The following IPO11 variants were observed in gnomAD, a reference collection of about 807,000 sequenced individuals.
IPO11 encodes importin-11.
IPO11 carries 66 observed loss-of-function variants against 143.2 expected under a neutral mutation model. The ratio of observed to expected loss-of-function variants is 0.46; its 90% CI spans 0.38 to 0.57. The LOEUF (loss-of-function observed/expected upper bound fraction) is 0.57. Among genes scored for constraint, IPO11 ranks in the 20% least tolerant of loss-of-function variants. IPO11 has a pLI of 0.00. For missense variants in IPO11, 1,026 were observed against 1,141.0 expected (o/e 0.90, Z 1.45); for synonymous variants, 385 against 377.8 (o/e 1.02, Z -0.22).
At chr5:62,486,683 T>A (rs1468328047) in intron 12 of IPO11, among the ~76,000 whole-genome samples, 1 of 152,212 alleles carries the variant, frequency 6.6e-6, no homozygotes, top group Admixed American at 6.5e-5. Context: ...ATACAGTTGT[T>A]AACCAGAGAG....
chr5:62,573,265 G>A (rs904541123), intron 27 of IPO11, among the ~76,000 whole-genome samples: 3 of 152,034 alleles, frequency 2.0e-5, no homozygotes, highest in African/African-American at 7.2e-5. Flanking sequence ...ACTTTATAGG[G>A]CTCCTGTGAG....
At chr5:62,525,069 T>C (rs1221804865) in intron 20 of IPO11, among the ~76,000 whole-genome samples, 1 of 152,198 alleles carries the variant, frequency 6.6e-6, no homozygotes, top group Non-Finnish European at 1.5e-5. Flanking sequence ...TCTTCCATCT[T>C]TGTGTTCTTG....
At position 62,476,648 on chromosome 5, in the gene IPO11, A is replaced by G. The variant is rs1428529317; in HGVS notation, c.758-35A>G. 4 of 1,496,738 alleles carry G rather than the reference A, an allele frequency of 2.7e-6. No homozygotes were observed. The African/African-American group carries it at 5.7e-5, about 21-fold the overall frequency. 92.7% of individuals were successfully genotyped at this position (1,496,738 alleles called of 1,614,324 possible). On this transcript the variant is annotated intron_variant, in intron 8 of 29. Coordinates refer to ENST00000325324, the MANE Select transcript of IPO11 (RefSeq NM_016338.5). ...TTGATGTTGTCTTGGTTGTGAACTT[A>G]TTAACTTCTAATATTTGAAATGTAT...
intron 9 of IPO11, among the ~76,000 whole-genome samples, chr5:62,479,440 T>C (rs1415140770): frequency 6.6e-6 from 1 of 152,224 alleles, no homozygotes; most frequent in Non-Finnish European, 1.5e-5. Context: ...TATAATCCTT[T>C]GGGTATATAA....
chr5:62,515,135 T>G (rs1741965014), intron 19 of IPO11, among the ~76,000 whole-genome samples: 1 of 152,240 alleles, frequency 6.6e-6, no homozygotes, highest in Non-Finnish European at 1.5e-5. Context: ...AGTGTTTTTT[T>G]ATATTCATAA....
At chr5:62,588,375 G>A (rs567421935) in intron 27 of IPO11, among the ~76,000 whole-genome samples, 1 of 152,102 alleles carries the variant, frequency 6.6e-6, no homozygotes, top group South Asian at 2.1e-4. Flanking sequence ...GGGACTACAG[G>A]CGTGCACCAC....
At chr5:62,600,806 C>A (rs1358193680) in intron 28 of IPO11, among the ~76,000 whole-genome samples, 1 of 152,176 alleles carries the variant, frequency 6.6e-6, no homozygotes, top group African/African-American at 2.4e-5. Context: ...ACTCTTTGAT[C>A]CCACCAGTGG....
intron 24 of IPO11, 84 bp from the exon 25 acceptor site, chr5:62,550,283 T>C (rs566568135): frequency 6.8e-6 from 7 of 1,034,150 alleles, no homozygotes; most frequent in South Asian, 2.9e-5. Context: ...GTGATACTTA[T>C]TTTAGTACAT....
In IPO11 at chr5:62,529,995, T is replaced by C. The variant is rs1279664540; in HGVS notation, c.2013-714T>C. On this transcript the variant is annotated intron_variant, in intron 21 of 29. Coordinates refer to ENST00000325324, the MANE Select transcript of IPO11 (RefSeq NM_016338.5). Reference sequence around the variant, plus strand: ...TTTCATAACTGCTAATGCGGTCAGATTGGCTTATAATGGCCTTTGTTGTAC... The same window carrying C: ...TTTCATAACTGCTAATGCGGTCAGACTGGCTTATAATGGCCTTTGTTGTAC... 3.3e-5 allele frequency among the ~76,000 whole-genome samples: 5 copies of C among 152,354 alleles called. No individual in the cohort carries two copies. The East Asian group carries it at 7.7e-4, about 23-fold the overall frequency.
At chr5:62,539,304 G>T (rs1208409426) in intron 24 of IPO11, among the ~76,000 whole-genome samples, 1 of 152,086 alleles carries the variant, frequency 6.6e-6, no homozygotes, top group African/African-American at 2.4e-5. Flanking sequence ...TCCTTGGTTT[G>T]TAGATACGTA....
At position 62,538,153 on chromosome 5, in the gene IPO11, T is replaced by C. The variant is rs375657153; in HGVS notation, c.2250+864T>C. On this transcript the variant is annotated intron_variant, in intron 24 of 29. Coordinates refer to ENST00000325324, the MANE Select transcript of IPO11 (RefSeq NM_016338.5). The stretch of plus-strand genomic sequence containing the variant: ...GCATTATGGTGTGAAAATCGTGGCA[T>C]TGCTTTAGAGCCTAAAAATGATTTC... Among the ~76,000 whole-genome samples the C allele has an allele frequency of 3.3e-5, 5 of 152,214 alleles. No homozygotes were observed. The South Asian group carries it at 1.0e-3, about 32-fold the overall frequency.
At chr5:62,563,899 AG>A (rs550393816) in intron 27 of IPO11, among the ~76,000 whole-genome samples, 156 of 152,152 alleles carry the variant, frequency 1.0e-3, no homozygotes, top group Non-Finnish European at 2.0e-3. Context: ...ACATAAATTG[AG>A]GGATAGGACT....
At chr5:62,485,305 C>T in intron 11 of IPO11, 114 bp from the exon 12 acceptor site, 1 of 788,260 alleles carries the variant, frequency 1.3e-6, no homozygotes, top group Admixed American at 2.1e-5. Context: ...CAAGGCTTTG[C>T]TCTTAATGTT....
chr5:62,418,462 C>G (rs988826232), intron 1 of IPO11, among the ~76,000 whole-genome samples: 3 of 152,172 alleles, frequency 2.0e-5, no homozygotes, highest in African/African-American at 7.2e-5. Flanking sequence ...CAACACATAT[C>G]ATATAGTTTA....
intron 3 of IPO11, among the ~76,000 whole-genome samples, chr5:62,448,918 C>G (rs1313391445): frequency 6.6e-6 from 1 of 152,032 alleles, no homozygotes; most frequent in Non-Finnish European, 1.5e-5. Flanking sequence ...TGTGTAATCC[C>G]TCTTGTCTTT....
At chr5:62,543,828 T>C (rs2112335498) in intron 24 of IPO11, among the ~76,000 whole-genome samples, 1 of 152,324 alleles carries the variant, frequency 6.6e-6, no homozygotes. Context: ...CATTTAGTGC[T>C]ATAAATTTCT....
At chr5:62,504,610 TTAA>T (rs1741480813) in intron 16 of IPO11, 54 bp from the exon 17 acceptor site, 5 of 1,038,646 alleles carry the variant, frequency 4.8e-6, no homozygotes, top group Middle Eastern at 4.8e-4. Flanking sequence ...TTGTTTGATA[TTAA>T]TGATGTTTAG....
At chr5:62,474,082 C>G (rs992084181) in intron 7 of IPO11, among the ~76,000 whole-genome samples, 3 of 152,124 alleles carry the variant, frequency 2.0e-5, no homozygotes, top group African/African-American at 4.8e-5. Flanking sequence ...TGCAGTATTT[C>G]AAGGGATTTA....
At chr5:62,520,706 G>A (rs998900854) in intron 20 of IPO11, among the ~76,000 whole-genome samples, 1 of 152,140 alleles carries the variant, frequency 6.6e-6, no homozygotes, top group Non-Finnish European at 1.5e-5. Context: ...TGGCTGCGTA[G>A]TATTACATAG....
Sources: allele counts gnomAD v4.1 joint callset (sites outside exome capture counted in the v4.1 genomes callset), GRCh38; gene constraint gnomAD v4.1.1; transcripts MANE v1.5; gene names NCBI Gene and HGNC (gene_info 2026-07-23, HGNC 2026-07-21).